Variants in SLC25A16 observed in about 807,000 individuals in gnomAD.
SLC25A16 encodes solute carrier family 25 member 16.
In SLC25A16, 39 loss-of-function variants were observed where a neutral mutation model predicts 41.5. That is an observed-to-expected ratio of 0.94 (90% CI 0.73 to 1.23). SLC25A16 has a LOEUF of 1.23. Among genes scored for constraint, SLC25A16 ranks in the 50% most tolerant of loss-of-function variants. The probability of loss-of-function intolerance (pLI) is 0.00; values close to 1 mark genes in which losing one functional copy is unlikely to be tolerated. For synonymous variants in SLC25A16, 146 were observed against 147.8 expected, an observed-to-expected ratio of 0.99 and a Z score of 0.09; for missense variants, 421 against 426.9, an observed-to-expected ratio of 0.99 and a Z score of 0.12.
rs751536409 is a variant in SLC25A16, at chr10:68,483,015, C to T, written c.*417G>A. The T allele has an allele frequency of 6.6e-6, 1 of 152,616 alleles. No homozygotes were observed. Among genetic ancestry groups the T allele is most frequent in the Non-Finnish European group, 1.5e-5 (1 of 68,436 alleles). 9.5% of individuals were successfully genotyped at this position (152,616 alleles called of 1,614,324 possible). ...TTTCATAGAACTTAAAAATTCAATT[C>T]TCATTATTCTATTGCAATATAACCA... is the stretch of plus-strand genomic sequence containing the variant. On this transcript the variant is annotated 3_prime_UTR_variant, in exon 9 of 9. Transcript: ENST00000609923.
Position 68,483,530 on chromosome 10 carries a change from A to G in SLC25A16, c.901T>C (p.Tyr301His). ...YGHHGIRKGL[Y>H]RGLSLNYIRC... ...ATGTAATTAAGAGATAAACCACGAT[A>G]GAGTCCTTTTCGAATTCCATGGTGT... is the stretch of plus-strand genomic sequence containing the variant. The change falls in exon 9 of 9, where the codon TAT (tyrosine) becomes CAT (histidine). Residue 301 changes from tyrosine (Y) to histidine (H), a missense_variant. Tyr to His is a moderately conservative substitution (Grantham distance 83). Transcript: ENST00000609923. 1 of 1,612,086 alleles carries G rather than the reference A, an allele frequency of 6.2e-7. No individual in the cohort carries two copies. Among genetic ancestry groups the G allele is most frequent in the African/African-American group, 1.3e-5 (1 of 75,044 alleles).
chr10:68,501,170 G>T (rs897294191), intron 4 of SLC25A16, among the ~76,000 whole-genome samples: 1 of 151,458 alleles, frequency 6.6e-6, no homozygotes, highest in Non-Finnish European at 1.5e-5. Flanking sequence ...AGAATCGCTT[G>T]AACCCAGGAG....
chr10:68,509,768 G>C (rs914317395), intron 2 of SLC25A16, among the ~76,000 whole-genome samples: 1 of 147,064 alleles, frequency 6.8e-6, no homozygotes, highest in East Asian at 2.0e-4. Flanking sequence ...TATAGATATA[G>C]ATAGATAGAT....
chr10:68,490,749 T>A (rs1049440177), intron 6 of SLC25A16, among the ~76,000 whole-genome samples: 1 of 151,962 alleles, frequency 6.6e-6, no homozygotes, highest in Non-Finnish European at 1.5e-5. Flanking sequence ...GTGGCATATA[T>A]ATAAAATGCT....
chr10:68,512,233 C>A (rs376064494), intron 2 of SLC25A16, among the ~76,000 whole-genome samples: 5 of 152,094 alleles, frequency 3.3e-5, no homozygotes, highest in African/African-American at 1.2e-4. Context: ...TTGAGACCAG[C>A]CTTGGCAACA....
intron 3 of SLC25A16, among the ~76,000 whole-genome samples, chr10:68,505,424 A>G (rs2052934520): frequency 6.6e-6 from 1 of 152,130 alleles, no homozygotes; most frequent in African/African-American, 2.4e-5. Flanking sequence ...TATTATATGG[A>G]TTTATTATTA....
chr10:68,508,384 GGA>G (rs2052994080), intron 2 of SLC25A16, among the ~76,000 whole-genome samples: 1 of 141,606 alleles, frequency 7.1e-6, no homozygotes, highest in Non-Finnish European at 1.5e-5. Flanking sequence ...AATGTGGATA[GGA>G]GAGTAACAGG....
chr10:68,493,687 G>T, intron 4 of SLC25A16, 117 bp from the exon 5 acceptor site: 1 of 793,808 alleles, frequency 1.3e-6, no homozygotes, highest in Non-Finnish European at 2.1e-6. Context: ...TAAAATCAAA[G>T]GTGATATTAC....
rs563784920 is a variant in SLC25A16 at position 68,497,622 on chromosome 10, T to A, written c.422-4052A>T. Among the ~76,000 whole-genome samples, 798 of 146,424 alleles carry A rather than the reference T, an allele frequency of 5.4e-3. 17 individuals carry two copies. The highest frequency in any genetic ancestry group is 0.05 in the South Asian group (229 of 4,610). On this transcript the variant is annotated intron_variant, in intron 4 of 8. Transcript: ENST00000609923. ...TCTAACATCTTTTTTTTTTTTTTAA[T>A]TTTTTTTTTTCCAAGATGGAGTCTT...
chr10:68,485,736 G>A (rs932167484), intron 8 of SLC25A16, among the ~76,000 whole-genome samples: 5 of 151,178 alleles, frequency 3.3e-5, no homozygotes, highest in African/African-American at 9.7e-5. Context: ...GTACAGTGGC[G>A]CCATCTCAGC....
rs565266972 is a variant in SLC25A16, at chr10:68,508,615, G to C, written c.224-1897C>G. On this transcript the variant is annotated intron_variant, in intron 2 of 8. Transcript: ENST00000609923. ...TGCCTGTAATCTCAGCTACTGGGAA[G>C]GCTGAGGCAGGAGAATCGCTTGAAC... is the stretch of plus-strand genomic sequence containing the variant. 4.6e-5 allele frequency among the ~76,000 whole-genome samples: 7 copies of C among 151,860 alleles called. No homozygotes were observed. In the East Asian group the frequency reaches 1.4e-3, roughly 30 times the overall value.
rs1434696802 is a variant in SLC25A16, at chr10:68,480,921, A to AT, written c.*2510dup. On this transcript the variant is annotated 3_prime_UTR_variant, in exon 9 of 9. Transcript: ENST00000609923. ...CATGTATTTCTTTTTTTTTTCTTTT[A>AT]TACAGTCTCTGTATAAAAGAAATTT... The AT allele has an allele frequency of 7.1e-6, 1 of 139,946 alleles. No homozygotes were observed. The highest frequency in any genetic ancestry group is 1.5e-5 in the Non-Finnish European group (1 of 66,010). The allele number at this position is 139,946 out of a possible 1,614,324, so 8.7% of individuals were successfully genotyped here. A position where few individuals can be genotyped will look rare whatever the true frequency, so the allele number is the denominator to read the frequency against.
chr10:68,490,652 CTATT>C (rs1174706409), intron 6 of SLC25A16, among the ~76,000 whole-genome samples: 2 of 150,474 alleles, frequency 1.3e-5, no homozygotes, highest in East Asian at 3.9e-4. Context: ...AGGGAAGAGA[CTATT>C]TATAAAATGG....
At chr10:68,502,479 A>G (rs930465048) in intron 4 of SLC25A16, among the ~76,000 whole-genome samples, 1 of 151,070 alleles carries the variant, frequency 6.6e-6, no homozygotes, top group Admixed American at 6.6e-5. Context: ...ACTCAGAAAA[A>G]TGAATATTTA....
chr10:68,487,971 A>G (rs1590092445), intron 7 of SLC25A16, among the ~76,000 whole-genome samples: 1 of 151,720 alleles, frequency 6.6e-6, no homozygotes, highest in African/African-American at 2.4e-5. Context: ...CTCTGCCTCA[A>G]CCTCCCGAGT....
rs1419740795 is a variant in SLC25A16 at position 68,506,695 on chromosome 10, C to T, written c.247G>A (p.Val83Ile). Residue 83 changes from valine (V) to isoleucine (I), a missense_variant, in exon 3 of 9, where the codon GTT becomes ATT. Val to Ile is a conservative substitution (Grantham distance 29). Transcript: ENST00000609923. ...CCAAGGAATCCTTCTTTTTGAGGAA[C>T]AGCACGCAATGCAGAAAATACTCCT... ...HLGVFSALRAVPQKEGFLGLY... is the reference protein window; with the variant it reads ...HLGVFSALRAIPQKEGFLGLY... 1.3e-6 allele frequency: 2 copies of T among 1,588,362 alleles called. No homozygotes were observed. The highest frequency in any genetic ancestry group is 4.6e-5 in the East Asian group (2 of 43,628).
At chr10:68,521,063 G>A (rs868706680) in intron 1 of SLC25A16, among the ~76,000 whole-genome samples, 4 of 151,768 alleles carry the variant, frequency 2.6e-5, no homozygotes. Context: ...GAACTTGGGA[G>A]GCAGAGGTTG....
intron 7 of SLC25A16, 63 bp downstream of exon 7, chr10:68,488,403 CA>C: frequency 8.6e-7 from 1 of 1,164,416 alleles, no homozygotes; most frequent in Non-Finnish European, 1.2e-6. Flanking sequence ...AATGATTAAA[CA>C]ATGCTGAAAA....
At chr10:68,488,211 G>A (rs994824150) in intron 7 of SLC25A16, among the ~76,000 whole-genome samples, 1 of 151,950 alleles carries the variant, frequency 6.6e-6, no homozygotes, top group African/African-American at 2.4e-5. Flanking sequence ...TCAAACTCCT[G>A]GGCTCAAGCA....
Sources: allele counts gnomAD v4.1 joint callset (sites outside exome capture counted in the v4.1 genomes callset), GRCh38; gene constraint gnomAD v4.1.1; transcripts MANE v1.5; gene names NCBI Gene and HGNC (gene_info 2026-07-23, HGNC 2026-07-21).